MGAT4C: variants seen among roughly 807,000 people sequenced by gnomAD.
MGAT4C encodes the protein alpha-1,3-mannosyl-glycoprotein 4-beta-N-acetylglucosaminyltransferase C.
Under a neutral mutation model 40.1 loss-of-function variants are expected in MGAT4C, and 19 were observed. The ratio of observed to expected loss-of-function variants is 0.47; its 90% CI spans 0.33 to 0.70. The LOEUF is 0.70. Ranked by LOEUF, MGAT4C falls within the 30% of genes least tolerant of loss-of-function variation. The pLI is 0.02. For missense variants in MGAT4C, 491 were observed against 563.2 expected (o/e 0.87, Z 1.30); for synonymous variants, 181 against 187.1 (o/e 0.97, Z 0.27).
At chr12:86,277,139 A>C (rs1953097625) in intron 4 of MGAT4C, among the ~76,000 whole-genome samples, 1 of 152,118 alleles carries the variant, frequency 6.6e-6, no homozygotes, top group South Asian at 2.1e-4. Flanking sequence ...CTGGAGCAAG[A>C]TGATATCTCA....
At chr12:86,235,223 C>T (rs1055702047) in intron 1 of MGAT4C, among the ~76,000 whole-genome samples, 1 of 152,014 alleles carries the variant, frequency 6.6e-6, no homozygotes, top group Non-Finnish European at 1.5e-5. Flanking sequence ...TCAGATTCAT[C>T]TACTCTTCTT....
intron 1 of MGAT4C, among the ~76,000 whole-genome samples, chr12:86,124,088 T>A (rs1879869233): frequency 6.6e-6 from 1 of 151,968 alleles, no homozygotes. Context: ...ATGAGAGTGA[T>A]TTAAGAATTT....
At chr12:86,021,618 T>G in intron 2 of MGAT4C, among the ~76,000 whole-genome samples, 1 of 147,798 alleles carries the variant, frequency 6.8e-6, no homozygotes, top group African/African-American at 2.5e-5. Flanking sequence ...GGGATAGCAT[T>G]AGGAGATATA....
At chr12:86,282,720 C>T (rs1278706836) in intron 4 of MGAT4C, among the ~76,000 whole-genome samples, 1 of 151,882 alleles carries the variant, frequency 6.6e-6, no homozygotes, top group African/African-American at 2.4e-5. Context: ...TGATATATAA[C>T]CTTGATTATT....
intron 2 of MGAT4C, among the ~76,000 whole-genome samples, chr12:86,682,819 T>C (rs1323879154): frequency 6.6e-6 from 1 of 151,826 alleles, no homozygotes; most frequent in East Asian, 1.9e-4. Flanking sequence ...AAAACTTTGA[T>C]TTGGATTCAC....
At chr12:86,806,332 A>G (rs923894505) in intron 1 of MGAT4C, among the ~76,000 whole-genome samples, 2 of 151,980 alleles carry the variant, frequency 1.3e-5, no homozygotes, top group African/African-American at 2.4e-5. Context: ...GTTTCTCACA[A>G]TGGTAAAATT....
intron 1 of MGAT4C, among the ~76,000 whole-genome samples, chr12:86,061,939 G>C (rs899161410): frequency 6.6e-6 from 1 of 152,120 alleles, no homozygotes; most frequent in Non-Finnish European, 1.5e-5. Context: ...GGGTGGCTGT[G>C]GGCACAGCTT....
At chr12:86,589,583 G>T (rs10776990) in intron 2 of MGAT4C, among the ~76,000 whole-genome samples, 120,943 of 147,236 alleles carry the variant, frequency 0.82, 50,154 homozygotes, top group East Asian at 0.95. Flanking sequence ...TACCAAAGCC[G>T]GGCAGAGACA....
intron 1 of MGAT4C, among the ~76,000 whole-genome samples, chr12:86,766,313 G>C (rs1429009818): frequency 6.6e-6 from 1 of 152,048 alleles, no homozygotes; most frequent in Non-Finnish European, 1.5e-5. Flanking sequence ...AATAAGAAGA[G>C]CTAACTATCC....
chr12:86,615,667 C>T (rs892571669), intron 2 of MGAT4C, among the ~76,000 whole-genome samples: 2 of 151,994 alleles, frequency 1.3e-5, no homozygotes, highest in African/African-American at 4.8e-5. Flanking sequence ...TTCCAAAGAA[C>T]GCTAATCCTA....
intron 1 of MGAT4C, among the ~76,000 whole-genome samples, chr12:86,243,138 TAC>T (rs1951858581): frequency 6.6e-6 from 1 of 152,130 alleles, no homozygotes; most frequent in Non-Finnish European, 1.5e-5. Flanking sequence ...TACATGAGGG[TAC>T]AGTTTCTTTT....
chr12:86,408,857 T>C (rs1956544178), intron 3 of MGAT4C, among the ~76,000 whole-genome samples: 2 of 152,110 alleles, frequency 1.3e-5, no homozygotes, highest in South Asian at 4.1e-4. Context: ...ATTTTTAATG[T>C]CTTCTAAATA....
At chr12:86,266,328 A>G (rs964216580) in intron 4 of MGAT4C, among the ~76,000 whole-genome samples, 6 of 152,120 alleles carry the variant, frequency 3.9e-5, no homozygotes, top group Admixed American at 3.9e-4. Context: ...GCCTAGTTAA[A>G]TGAGGGTTTT....
At position 86,396,909 on chromosome 12, in the gene MGAT4C, CCTT is replaced by C. The variant is rs201051059; in HGVS notation, c.-120+38245_-120+38247del. On this transcript the variant is annotated intron_variant, in intron 3 of 7. Coordinates refer to the MGAT4C transcript ENST00000548651. ...ATTTTGTATCATTTCTGCTAGTCTT[CCTT>C]CTTCTTTTTTCTTAATACAAATGTT... 5.3e-3 allele frequency among the ~76,000 whole-genome samples: 796 copies of C among 151,498 alleles called. 3 individuals carry two copies. The highest frequency in any genetic ancestry group is 0.018 in the African/African-American group (764 of 41,354).
rs181488174 is a variant in MGAT4C, at chr12:86,199,828, T to C, written c.-57+56411A>G. 3.0e-4 allele frequency among the ~76,000 whole-genome samples: 45 copies of C among 152,258 alleles called. 1 individual carries two copies. Among genetic ancestry groups the C allele is most frequent in the African/African-American group, 7.5e-4 (31 of 41,574 alleles). On this transcript the variant is annotated intron_variant, in intron 1 of 4. Coordinates refer to ENST00000611864, the MANE Select transcript of MGAT4C (RefSeq NM_001351288.2). ...GCTAAAAACTCAAATACATAAATCA[T>C]CTTCTAAAACTTGCCAATGAATATT...
At chr12:86,559,673 T>C (rs1959773535) in intron 2 of MGAT4C, among the ~76,000 whole-genome samples, 1 of 151,924 alleles carries the variant, frequency 6.6e-6, no homozygotes, top group Non-Finnish European at 1.5e-5. Flanking sequence ...GGGACTTTTA[T>C]AAGAATAAAT....
At chr12:86,378,584 G>A (rs1206921623) in intron 3 of MGAT4C, among the ~76,000 whole-genome samples, 1 of 152,084 alleles carries the variant, frequency 6.6e-6, no homozygotes, top group Non-Finnish European at 1.5e-5. Context: ...TTAAAGGACT[G>A]GGGATAAGCA....
intron 4 of MGAT4C, among the ~76,000 whole-genome samples, chr12:86,332,553 C>T (rs548020281): frequency 1.8e-4 from 28 of 152,188 alleles, no homozygotes; most frequent in African/African-American, 6.7e-4. Context: ...ACAACACATG[C>T]CATTGTCTTT....
rs1882830001 is a variant in MGAT4C, at chr12:85,957,036, G to C, written c.*22253C>G. 2 of 152,134 alleles carry C rather than the reference G, an allele frequency of 1.3e-5. No homozygotes were observed. The highest frequency in any genetic ancestry group is 1.9e-4 in the East Asian group (1 of 5,182). The allele number at this position is 152,134 out of a possible 1,614,324, so 9.4% of individuals were successfully genotyped here. A position where few individuals can be genotyped will look rare whatever the true frequency, so the allele number is the denominator to read the frequency against. On this transcript the variant is annotated 3_prime_UTR_variant, in exon 5 of 5. Coordinates refer to ENST00000611864, the MANE Select transcript of MGAT4C (RefSeq NM_001351288.2). ...ACCATTGGTTGGACACATAAAATGA[G>C]AGTATGTAGATGCGAGCCCTTTGCT...
Sources: gnomAD v4.1 joint callset for allele counts (sites outside exome capture counted in the v4.1 genomes callset) on GRCh38, gnomAD v4.1.1 for gene constraint, MANE v1.5 for transcripts, NCBI Gene and HGNC (gene_info 2026-07-23, HGNC 2026-07-21) for gene names.